The following SPINK5 variants were observed in gnomAD, a reference collection of about 807,000 sequenced individuals.
SPINK5 encodes the protein serine protease inhibitor Kazal-type 5.
SPINK5 carries 125 observed loss-of-function variants against 151.8 expected under a neutral mutation model. The observed-to-expected ratio is 0.82, with a 90% CI of 0.71 to 0.96. The LOEUF (loss-of-function observed/expected upper bound fraction) is 0.96, where lower values mean the gene tolerates loss of function less well. Ranked by LOEUF, SPINK5 falls within the 40% of genes least tolerant of loss-of-function variation. SPINK5 has a pLI of 0.00. For synonymous variants in SPINK5, 374 were observed against 395.3 expected (o/e 0.95, Z 0.64); for missense variants, 1,194 against 1,291.9 (o/e 0.92, Z 1.16).
chr5:148,101,512 A>G (rs1753644204), intron 14 of SPINK5, 76 bp downstream of exon 14: 1 of 1,227,266 alleles, frequency 8.1e-7, no homozygotes, highest in Non-Finnish European at 1.2e-6. Flanking sequence ...GAACACGTGC[A>G]TTCCTTAAAA....
chr5:148,111,444 G>A (rs960503693), intron 18 of SPINK5, among the ~76,000 whole-genome samples: 2 of 152,148 alleles, frequency 1.3e-5, no homozygotes, highest in African/African-American at 2.4e-5. Context: ...AGACTTAGAC[G>A]TATTTGGTGG....
intron 4 of SPINK5, among the ~76,000 whole-genome samples, chr5:148,080,622 T>C (rs976290679): frequency 2.0e-5 from 3 of 151,434 alleles, no homozygotes; most frequent in Non-Finnish European, 4.4e-5. Context: ...TTTTATCTTA[T>C]ACCATACACA....
rs1219457393 is a variant in SPINK5 at position 148,118,017 on chromosome 5, T to TTTTG, written c.2113-403_2113-400dup. ...TGCCAGACCTAGATGTTAGGGGTTT[T>TTTTG]TTTGTTTGTTTGTTTGTTTGAGATG... On this transcript the variant is annotated intron_variant, in intron 22 of 32. Transcript: ENST00000256084. Among the ~76,000 whole-genome samples the TTTTG allele has an allele frequency of 1.1e-4, 16 of 151,898 alleles. No homozygotes were observed. The East Asian group carries it at 1.2e-3, about 11-fold the overall frequency.
intron 6 of SPINK5, 128 bp from the exon 7 acceptor site, chr5:148,089,366 A>T (rs1437145928): frequency 3.3e-6 from 4 of 1,220,000 alleles, no homozygotes; most frequent in Non-Finnish European, 2.4e-6. Flanking sequence ...AGCTACATCT[A>T]CACAGCTGGT....
chr5:148,100,421 T>C, intron 12 of SPINK5, 33 bp from the exon 13 acceptor site: 1 of 1,601,750 alleles, frequency 6.2e-7, no homozygotes, highest in Non-Finnish European at 8.6e-7. Flanking sequence ...AGAAATGAAA[T>C]ATATGGCCAA....
intron 32 of SPINK5, among the ~76,000 whole-genome samples, chr5:148,135,571 C>CTGTT (rs1322202332): frequency 3.9e-5 from 6 of 152,122 alleles, no homozygotes; most frequent in African/African-American, 1.2e-4. Flanking sequence ...AATTATTATG[C>CTGTT]TGTTAGTTAA....
chr5:148,117,223 C>T (rs192659420), intron 22 of SPINK5, among the ~76,000 whole-genome samples: 80 of 152,230 alleles, frequency 5.3e-4, no homozygotes, highest in African/African-American at 1.9e-3. Flanking sequence ...CTGTTTTTTT[C>T]CCATCTTTTT....
Position 148,114,397 on chromosome 5 carries a change from T to C in SPINK5, c.1923T>C (p.Asn641=), listed in dbSNP as rs747931595. ...ATGAATTTCGGAGACTTTTGCAAAA[T>C]GGAAAACTTTTCTGCACAAGAGAAA... ...TCDEFRRLLQ[N]GKLFCTREND... is the part of the protein sequence containing the mutation. Residue 641 remains asparagine (N), a synonymous_variant, in exon 21 of 33, where the codon AAT becomes AAC. Coordinates refer to ENST00000256084, the MANE Select transcript of SPINK5 (RefSeq NM_006846.4). 2 of 1,613,218 alleles carry C rather than the reference T, an allele frequency of 1.2e-6. No individual in the cohort carries two copies. Among genetic ancestry groups the C allele is most frequent in the Admixed American group, 1.7e-5 (1 of 59,914 alleles).
intron 20 of SPINK5, 129 bp downstream of exon 20, chr5:148,113,063 G>C: frequency 6.8e-7 from 1 of 1,464,388 alleles, no homozygotes; most frequent in Non-Finnish European, 9.2e-7. Flanking sequence ...CAGGGGTTGA[G>C]AAACTTTTTC....
At chr5:148,121,143 C>CAAAA (rs767012594) in intron 26 of SPINK5, among the ~76,000 whole-genome samples, 940 of 67,834 alleles carry the variant, frequency 0.014, 22 homozygotes, top group South Asian at 0.018. Context: ...GACTCTGTCT[C>CAAAA]AAAAAAAAAA....
intron 30 of SPINK5, among the ~76,000 whole-genome samples, chr5:148,128,566 TC>T (rs957827350): frequency 2.6e-4 from 39 of 152,328 alleles, no homozygotes; most frequent in African/African-American, 9.4e-4. Context: ...TCTTGCTCTT[TC>T]GCCCAGGCCG....
chr5:148,114,618 T>C, intron 21 of SPINK5, 129 bp downstream of exon 21: 1 of 1,368,784 alleles, frequency 7.3e-7, no homozygotes, highest in Non-Finnish European at 1.0e-6. Flanking sequence ...CTGTAAAGCA[T>C]TTGAAATAAA....
At chr5:148,074,055 T>C (rs1355122954) in intron 4 of SPINK5, among the ~76,000 whole-genome samples, 1 of 151,806 alleles carries the variant, frequency 6.6e-6, no homozygotes, top group African/African-American at 2.4e-5. Context: ...TTCATCCAAT[T>C]ATACCATGTG....
In SPINK5 at chr5:148,110,481, A is replaced by C. The variant is rs538034449; in HGVS notation, c.1693-1287A>C. ...TTTTCCCATGTGTGCAATATACTTA[A>C]TAACTCTATCACTTGTTATGCCAAC... On this transcript the variant is annotated intron_variant, in intron 18 of 32. Transcript: ENST00000256084. Among the ~76,000 whole-genome samples, 5 of 152,322 alleles carry C rather than the reference A, an allele frequency of 3.3e-5. No individual in the cohort carries two copies. The South Asian group carries it at 8.3e-4, about 25-fold the overall frequency.
In SPINK5 at chr5:148,137,294, G is replaced by T; in HGVS notation, c.*303G>T. 2 of 467,212 alleles carry T rather than the reference G, an allele frequency of 4.3e-6. No individual in the cohort carries two copies. The highest frequency in any genetic ancestry group is 7.7e-6 in the Non-Finnish European group (2 of 260,892). The allele number at this position is 467,212 out of a possible 1,614,324, so 28.9% of individuals were successfully genotyped here. On this transcript the variant is annotated 3_prime_UTR_variant, in exon 33 of 33. Transcript: ENST00000256084. ...GTAAACTCAGCAGAACACCCTTTCTGGGATTTCTTTGTCACTATCTGGATA... is the reference window on the plus strand; with the variant it reads ...GTAAACTCAGCAGAACACCCTTTCTTGGATTTCTTTGTCACTATCTGGATA...
chr5:148,135,652 C>T (rs1410009503), intron 32 of SPINK5, among the ~76,000 whole-genome samples: 1 of 151,612 alleles, frequency 6.6e-6, no homozygotes, highest in Non-Finnish European at 1.5e-5. Flanking sequence ...AGTGTGTGAT[C>T]TCGGGTACAG....
Position 148,126,123 on chromosome 5 carries a change from T to A in SPINK5, c.2867+273T>A, listed in dbSNP as rs73271167. 0.014 allele frequency among the ~76,000 whole-genome samples: 2,203 copies of A among 152,304 alleles called. 61 individuals are homozygous for A. Among genetic ancestry groups the A allele is most frequent in the African/African-American group, 0.05 (2,084 of 41,554 alleles). Reference sequence around the variant, plus strand: ...CTTTCAGCATCATAATTAGAAGAAATTCTTCAAGATCTTTATTCCACAACT... The same window carrying A: ...CTTTCAGCATCATAATTAGAAGAAAATCTTCAAGATCTTTATTCCACAACT... On this transcript the variant is annotated intron_variant, in intron 29 of 32. Coordinates refer to ENST00000256084, the MANE Select transcript of SPINK5 (RefSeq NM_006846.4).
intron 28 of SPINK5, among the ~76,000 whole-genome samples, chr5:148,125,142 A>G (rs1754398317): frequency 2.0e-5 from 3 of 152,136 alleles, no homozygotes; most frequent in Non-Finnish European, 4.4e-5. Context: ...CTGCATGCTT[A>G]TCTTTGACAC....
At chr5:148,111,352 C>A (rs932158639) in intron 18 of SPINK5, among the ~76,000 whole-genome samples, 2 of 152,154 alleles carry the variant, frequency 1.3e-5, no homozygotes, top group Admixed American at 1.3e-4. Context: ...ATAATCTCTT[C>A]ATTTCAAGGT....
Sources: gnomAD v4.1 joint callset for allele counts (sites outside exome capture counted in the v4.1 genomes callset) on GRCh38, gnomAD v4.1.1 for gene constraint, MANE v1.5 for transcripts, NCBI Gene and HGNC (gene_info 2026-07-23, HGNC 2026-07-21) for gene names.